Variants in MARVELD2 observed in about 807,000 individuals in gnomAD.
The protein encoded by MARVELD2 is MARVEL domain-containing protein 2.
MARVELD2 carries 49 observed loss-of-function variants against 57.6 expected under a neutral mutation model. The observed-to-expected ratio is 0.85, with a 90% confidence interval of 0.68 to 1.08. The LOEUF is 1.08. MARVELD2 is among the 50% of genes least tolerant of loss of function. MARVELD2 has a pLI of 0.00. For synonymous variants in MARVELD2, 238 were observed against 258.8 expected (o/e 0.92, Z 0.77); for missense variants, 606 against 701.1 (o/e 0.86, Z 1.53).
intron 5 of MARVELD2, among the ~76,000 whole-genome samples, chr5:69,434,620 C>A (rs1302655836): frequency 6.6e-6 from 1 of 152,134 alleles, no homozygotes; most frequent in Non-Finnish European, 1.5e-5. Context: ...CTTCCGCACC[C>A]CCCACATTTT....
Position 69,424,637 on chromosome 5 carries a change from G to A in MARVELD2, c.1182+1G>A. 1 of 1,595,098 alleles carries A rather than the reference G, an allele frequency of 6.3e-7. No individual in the cohort carries two copies. Among genetic ancestry groups the A allele is most frequent in the South Asian group, 1.1e-5 (1 of 90,748 alleles). On this transcript the variant is annotated splice_donor_variant, in intron 3 of 6. Coordinates refer to ENST00000325631, the MANE Select transcript of MARVELD2 (RefSeq NM_001038603.3). LOFTEE classifies it high-confidence loss of function. ...ATCATTGTCATCGAAAAGGAAAATG[G>A]TAAGAATAAAGTTTACTTCATATTA...
chr5:69,435,161 A>G (rs1166740635), intron 5 of MARVELD2, among the ~76,000 whole-genome samples: 1 of 150,668 alleles, frequency 6.6e-6, no homozygotes, highest in African/African-American at 2.4e-5. Context: ...AGATGGGACT[A>G]TAGGTGCACA....
intron 6 of MARVELD2, among the ~76,000 whole-genome samples, 154 bp downstream of exon 6, chr5:69,440,654 C>T (rs1332998221): frequency 1.3e-5 from 2 of 152,174 alleles, no homozygotes; most frequent in Admixed American, 1.3e-4. Flanking sequence ...CATTTCTTCT[C>T]ATGTCTGCTC....
At chr5:69,423,868 TTTTG>T (rs1214537133) in intron 2 of MARVELD2, among the ~76,000 whole-genome samples, 1 of 152,220 alleles carries the variant, frequency 6.6e-6, no homozygotes, top group Non-Finnish European at 1.5e-5. Context: ...TTTCTTACAT[TTTTG>T]TTTTTTTATG....
At chr5:69,429,797 G>C (rs1382555471) in intron 3 of MARVELD2, among the ~76,000 whole-genome samples, 2 of 147,378 alleles carry the variant, frequency 1.4e-5, no homozygotes, top group East Asian at 4.0e-4. Flanking sequence ...TGAGCTATAT[G>C]ATCTCGCCAC....
chr5:69,432,691 A>T lies in MARVELD2; in HGVS notation c.1331+16A>T. The T allele has an allele frequency of 6.2e-7, 1 of 1,613,942 alleles. No individual in the cohort carries two copies. Among genetic ancestry groups the T allele is most frequent in the Non-Finnish European group, 8.5e-7 (1 of 1,179,874 alleles). On this transcript the variant is annotated intron_variant, in intron 4 of 6. Coordinates refer to ENST00000325631, the MANE Select transcript of MARVELD2 (RefSeq NM_001038603.3). ...ACTATGTGGCGTGAGTGTCAGTCTGAATTCTTCCTCAAGGTAGAAGTTGAG... is the reference window on the plus strand; with the variant it reads ...ACTATGTGGCGTGAGTGTCAGTCTGTATTCTTCCTCAAGGTAGAAGTTGAG...
At chr5:69,433,153 CTTTTTT>C (rs11345515) in intron 5 of MARVELD2, 60 bp downstream of exon 5, 86 of 477,948 alleles carry the variant, frequency 1.8e-4, no homozygotes, top group East Asian at 3.9e-4. Context: ...TAAAATCTGG[CTTTTTT>C]TTTTTTTTTT....
At chr5:69,421,015 A>AT (rs1367834184) in intron 2 of MARVELD2, among the ~76,000 whole-genome samples, 8 of 152,128 alleles carry the variant, frequency 5.3e-5, no homozygotes, top group Middle Eastern at 6.8e-3. Context: ...ACCATGTTTG[A>AT]TTTTTTTTAA....
Position 69,443,973 on chromosome 5 carries a change from G to T in MARVELD2, c.*2319G>T, listed in dbSNP as rs1382582914. The T allele has an allele frequency of 2.8e-5, 3 of 106,088 alleles. No homozygotes were observed. The highest frequency in any genetic ancestry group is 5.4e-5 in the Non-Finnish European group (3 of 55,252). The allele number at this position is 106,088 out of a possible 1,614,324, so 6.6% of individuals were successfully genotyped here. On this transcript the variant is annotated 3_prime_UTR_variant, in exon 7 of 7. Coordinates refer to ENST00000325631, the MANE Select transcript of MARVELD2 (RefSeq NM_001038603.3). ...CTTTCTCTTTTATGTATTGAGCCCT[G>T]TGTTAACATTTCACTTAAGAAGAGC...
chr5:69,440,579 G>C (rs1767298875), intron 6 of MARVELD2, 79 bp downstream of exon 6: 1 of 846,388 alleles, frequency 1.2e-6, no homozygotes, highest in African/African-American at 1.7e-5. Context: ...GATTCTGTTA[G>C]CTAAAATAGT....
At position 69,415,146 on chromosome 5, in the gene MARVELD2, C is replaced by G. The variant is rs949633179; in HGVS notation, c.-40C>G. ...CGGTTTCAGAGTCCTGGGCAGCGTG[C>G]GCGCTCTTCCTGGCGGCTGCGCAGG... On this transcript the variant is annotated 5_prime_UTR_variant, in exon 1 of 7. Coordinates refer to ENST00000325631, the MANE Select transcript of MARVELD2 (RefSeq NM_001038603.3). 5 of 152,290 alleles carry G rather than the reference C, an allele frequency of 3.3e-5. No individual in the cohort carries two copies. The highest frequency in any genetic ancestry group is 9.6e-5 in the African/African-American group (4 of 41,464). The allele number at this position is 152,290 out of a possible 1,614,324, so 9.4% of individuals were successfully genotyped here.
chr5:69,432,790 A>G (rs1382893746), intron 4 of MARVELD2, 115 bp downstream of exon 4: 5 of 1,556,818 alleles, frequency 3.2e-6, no homozygotes, highest in African/African-American at 2.7e-5. Flanking sequence ...GTGTATGTAA[A>G]TAGTTGTTAT....
At position 69,442,826 on chromosome 5, in the gene MARVELD2, CTTTT is replaced by C. The variant is rs11361474; in HGVS notation, c.*1187_*1190del. On this transcript the variant is annotated 3_prime_UTR_variant, in exon 7 of 7. Transcript: ENST00000325631. ...ACATTGAATTGTATGAATGGTATTG[CTTTT>C]TTTTTTTTTTTTTTGTGAGACAGAG... The C allele has an allele frequency of 1.6e-5, 2 of 126,140 alleles. No individual in the cohort carries two copies. Among genetic ancestry groups the C allele is most frequent in the Admixed American group, 8.6e-5 (1 of 11,592 alleles). The allele number at this position is 126,140 out of a possible 1,614,324, so 7.8% of individuals were successfully genotyped here.
chr5:69,418,659 T>C (rs897701014), intron 1 of MARVELD2, among the ~76,000 whole-genome samples: 1 of 152,146 alleles, frequency 6.6e-6, no homozygotes, highest in Non-Finnish European at 1.5e-5. Flanking sequence ...TTTGTTGATT[T>C]AGGAAGGGGA....
chr5:69,423,976 A>C (rs866571219), intron 2 of MARVELD2, among the ~76,000 whole-genome samples: 8 of 152,334 alleles, frequency 5.3e-5, no homozygotes, highest in Admixed American at 2.0e-4. Flanking sequence ...TGTTAATTCT[A>C]ATCAGTATGA....
At chr5:69,436,668 G>A (rs1482220603) in intron 5 of MARVELD2, among the ~76,000 whole-genome samples, 3 of 152,144 alleles carry the variant, frequency 2.0e-5, no homozygotes, top group African/African-American at 7.2e-5. Context: ...GAGGTTGAAT[G>A]TCAGTACCAT....
chr5:69,433,069 G>A lies in MARVELD2; in HGVS notation c.1479G>A (p.Leu493=), dbSNP rs752765358. 3.7e-5 allele frequency: 60 copies of A among 1,613,118 alleles called. No homozygotes were observed. Among genetic ancestry groups the A allele is most frequent in the Non-Finnish European group, 4.8e-5 (57 of 1,179,650 alleles). Residue 493 remains leucine (L), a synonymous_variant, in exon 5 of 7, where the codon TTG becomes TTA. Transcript: ENST00000325631. ...AGCTGGATGCAGTGATGAGCAGATTGCCACATCATTCGGAAAGCCGACAGG... is the reference window on the plus strand; with the variant it reads ...AGCTGGATGCAGTGATGAGCAGATTACCACATCATTCGGAAAGCCGACAGG... The part of the protein sequence containing the change: ...FDELDAVMSR[L]PHHSESRQEH...
chr5:69,431,833 T>C (rs895142558), intron 3 of MARVELD2, among the ~76,000 whole-genome samples: 23 of 138,128 alleles, frequency 1.7e-4, no homozygotes, highest in South Asian at 2.5e-4. Context: ...TCTTCTTCTT[T>C]TTTTTTTTTT....
In MARVELD2 at chr5:69,419,375, G is replaced by A. The variant is rs772495236; in HGVS notation, c.-11G>A. On this transcript the variant is annotated 5_prime_UTR_variant, in exon 2 of 7. Transcript: ENST00000325631. ...TAACTTTAAATTTGGCCACAGGTGTGAAAATCACAAATGTCAAATGATGGA... is the reference window on the plus strand; with the variant it reads ...TAACTTTAAATTTGGCCACAGGTGTAAAAATCACAAATGTCAAATGATGGA... 1.2e-6 allele frequency: 2 copies of A among 1,614,200 alleles called. No homozygotes were observed. The highest frequency in any genetic ancestry group is 1.7e-6 in the Non-Finnish European group (2 of 1,180,018).
Sources: allele counts gnomAD v4.1 joint callset (sites outside exome capture counted in the v4.1 genomes callset), GRCh38; gene constraint gnomAD v4.1.1; transcripts MANE v1.5; gene names NCBI Gene and HGNC (gene_info 2026-07-23, HGNC 2026-07-21).